DST: variants seen among roughly 807,000 people sequenced by gnomAD.
DST encodes bullous pemphigoid antigen.
Under a neutral mutation model 875.2 loss-of-function variants are expected in DST, and 253 were observed. The ratio of observed to expected loss-of-function variants is 0.29; its 90% CI spans 0.26 to 0.32. The LOEUF (loss-of-function observed/expected upper bound fraction) is 0.32. DST is among the 10% of genes least tolerant of loss of function. The pLI is 1.00. For synonymous variants in DST, 3,124 were observed against 3,197.1 expected (o/e 0.98, Z 0.77); for missense variants, 8,287 against 9,111.6 (o/e 0.91, Z 3.68).
intron 2 of DST, among the ~76,000 whole-genome samples, chr6:56,913,224 T>C (rs1799493435): frequency 6.6e-6 from 1 of 152,232 alleles, no homozygotes; most frequent in Non-Finnish European, 1.5e-5. Flanking sequence ...TTATCAAGCA[T>C]TTCCTATGTG....
rs1468495919 is a variant in DST at position 56,578,900 on chromosome 6, A to C, written c.12941T>G (p.Val4314Gly). 6.2e-7 allele frequency: 1 copy of C among 1,604,956 alleles called. No individual in the cohort carries two copies. The part of the protein sequence containing the change: ...QGQISSQQVA[V>G]EKLKKTAEVL... The stretch of plus-strand genomic sequence containing the variant: ...TTCAGCCGTTTTCTTCAGTTTCTCT[A>C]CAGCAACCTGCTGACTTGATATCTG... Residue 4314 changes from valine to glycine, a missense_variant, in exon 50 of 104, where the codon GTA becomes GGA. Physicochemically the swap from Val to Gly is moderately radical, Grantham distance 109. Around this residue, in one of 10 missense-constraint regions of DST, gnomAD observed 1,513 missense variants for 1,677.8 expected, o/e 0.90. Transcript: ENST00000680361.
At chr6:56,759,693 T>C (rs544092595) in intron 4 of DST, among the ~76,000 whole-genome samples, 59 of 152,290 alleles carry the variant, frequency 3.9e-4, no homozygotes, top group African/African-American at 1.4e-3. Flanking sequence ...CTAAGGGGTT[T>C]CTGAGCTCAG....
chr6:56,789,079 TCA>T, intron 4 of DST, among the ~76,000 whole-genome samples: 1 of 152,338 alleles, frequency 6.6e-6, no homozygotes, highest in East Asian at 1.9e-4. Context: ...GTACAGTGGT[TCA>T]CACCTATAAT....
At chr6:56,517,134 C>A in intron 71 of DST, 64 bp downstream of exon 71, 1 of 1,175,382 alleles carries the variant, frequency 8.5e-7, no homozygotes, top group East Asian at 2.3e-5. Flanking sequence ...TTTTCTAGGA[C>A]TGAAAGCTCA....
intron 3 of DST, among the ~76,000 whole-genome samples, chr6:56,854,204 C>A (rs1007165231): frequency 3.1e-4 from 47 of 152,116 alleles, no homozygotes; most frequent in African/African-American, 1.1e-3. Flanking sequence ...AATCATGTTA[C>A]TATCTTGGGG....
chr6:56,609,260 C>A lies in DST; in HGVS notation c.5368G>T (p.Asp1790Tyr). The A allele has an allele frequency of 6.2e-7, 1 of 1,613,648 alleles. No individual in the cohort carries two copies. The highest frequency in any genetic ancestry group is 1.1e-5 in the South Asian group (1 of 91,042). ...AGCAACCTAATTCCTGTGTCATAGT[C>A]AATGAGGCCTCTTAAAACTGCTTGA... ...VFQAVLRGLI[D>Y]YDTGIRLLET... The change falls in exon 40 of 104, where the codon GAC becomes TAC. Residue 1790 changes from aspartate (D) to tyrosine (Y), a missense_variant. By Grantham distance (160) the Asp-to-Tyr change is radical. Transcript: ENST00000680361.
chr6:56,572,242 G>A lies in DST; in HGVS notation c.13579C>T (p.His4527Tyr). ...TGCAAAACTTCAAGATGTTTCTTGT[G>A]TTCTAAAAATTCAGAAGTTGATTCC... ...MQESTSEFLEHKKHLEVLHSL... is the reference protein window; with the variant it reads ...MQESTSEFLEYKKHLEVLHSL... Residue 4527 changes from histidine (H) to tyrosine (Y), a missense_variant, in exon 53 of 104, where the codon CAC becomes TAC. Physicochemically the swap from His to Tyr is moderately conservative, Grantham distance 83. Coordinates refer to ENST00000680361, the MANE Select transcript of DST (RefSeq NM_001374736.1). The A allele has an allele frequency of 1.9e-6, 3 of 1,566,302 alleles. No individual in the cohort carries two copies. Among genetic ancestry groups the A allele is most frequent in the Non-Finnish European group, 2.6e-6 (3 of 1,155,324 alleles).
chr6:56,854,227 T>A (rs907288161), intron 3 of DST, among the ~76,000 whole-genome samples: 1 of 152,112 alleles, frequency 6.6e-6, no homozygotes, highest in East Asian at 1.9e-4. Flanking sequence ...TAGAAAAGAG[T>A]GCGGAACTAC....
Position 56,536,761 on chromosome 6 carries a change from AG to A in DST, c.16770+17del, listed in dbSNP as rs750364052. 6 of 1,513,516 alleles carry A rather than the reference AG, an allele frequency of 4.0e-6. No individual in the cohort carries two copies. The African/African-American group carries it at 8.4e-5, about 21-fold the overall frequency. 93.8% of individuals were successfully genotyped at this position (1,513,516 alleles called of 1,614,324 possible). Reference sequence around the variant, plus strand: ...ATAATAATCAGCAAAATAGCAATGAAGGGGGTGAGAAAATTACCTTCTTATT... The same window carrying A: ...ATAATAATCAGCAAAATAGCAATGAAGGGGTGAGAAAATTACCTTCTTATT... On this transcript the variant is annotated intron_variant, in intron 62 of 103. Coordinates refer to ENST00000680361, the MANE Select transcript of DST (RefSeq NM_001374736.1).
At chr6:56,897,289 C>G (rs942719925) in intron 3 of DST, among the ~76,000 whole-genome samples, 1 of 134,422 alleles carries the variant, frequency 7.4e-6, no homozygotes, top group Non-Finnish European at 1.5e-5. Flanking sequence ...GCAAAGAATA[C>G]TAAGTGGTTT....
intron 3 of DST, among the ~76,000 whole-genome samples, chr6:56,865,323 CAGAG>C (rs1035308995): frequency 7.0e-6 from 1 of 143,742 alleles, no homozygotes; most frequent in African/African-American, 2.6e-5. Context: ...GTAAGAGAGA[CAGAG>C]AGAGAGAGAG....
At chr6:56,527,982 A>G (rs2096831429) in intron 67 of DST, among the ~76,000 whole-genome samples, 2 of 152,234 alleles carry the variant, frequency 1.3e-5, no homozygotes, top group African/African-American at 2.4e-5. Context: ...GCTATGTGGA[A>G]AGCAGTACTT....
At chr6:56,642,378 C>T in intron 16 of DST, 32 bp downstream of exon 16, 6 of 1,501,942 alleles carry the variant, frequency 4.0e-6, no homozygotes, top group African/African-American at 1.4e-5. Context: ...ACTCCTCTAC[C>T]ACAACCCCAA....
chr6:56,897,836 G>C lies in DST; in HGVS notation c.417+2585C>G, dbSNP rs904159537. Among the ~76,000 whole-genome samples, 54 of 152,054 alleles carry C rather than the reference G, an allele frequency of 3.6e-4. 1 individual carries two copies. Among genetic ancestry groups the C allele is most frequent in the Non-Finnish European group, 1.6e-4 (11 of 68,014 alleles). On this transcript the variant is annotated intron_variant, in intron 3 of 103. Coordinates refer to ENST00000680361, the MANE Select transcript of DST (RefSeq NM_001374736.1). ...AGAGAGCAGTATATTTATTCGCCCT[G>C]CTCCCTCCTGACTCACTAGGTTCTG...
In DST at chr6:56,497,496, G is replaced by C; in HGVS notation, c.20106C>G (p.Phe6702Leu). ...GCTGCAAATCCTCAATTTCGCCATG[G>C]AACCCTTTGGCCTGAAGTAATAGGC... is the stretch of plus-strand genomic sequence containing the variant. The part of the protein sequence containing the change: ...LDGALRQAKG[F>L]HGEIEDLQQW... The change falls in exon 82 of 104, where the codon TTC (phenylalanine) becomes TTG (leucine). Residue 6702 changes from phenylalanine (F) to leucine (L), a missense_variant. Physicochemically the swap from Phe to Leu is conservative, Grantham distance 22. Transcript: ENST00000680361. 6.2e-7 allele frequency: 1 copy of C among 1,612,770 alleles called. No individual in the cohort carries two copies. The highest frequency in any genetic ancestry group is 8.5e-7 in the Non-Finnish European group (1 of 1,179,318).
intron 61 of DST, among the ~76,000 whole-genome samples, chr6:56,550,126 A>C (rs538473423): frequency 6.6e-6 from 1 of 152,326 alleles, no homozygotes; most frequent in African/African-American, 2.4e-5. Context: ...ACACACACAC[A>C]CATACACAGA....
chr6:56,617,109 T>C (rs771869521), intron 36 of DST: 1 of 1,613,072 alleles, frequency 6.2e-7, no homozygotes, highest in Non-Finnish European at 8.5e-7. Flanking sequence ...TCAACAGTCT[T>C]AAGACCGAGT....
chr6:56,727,276 C>T (rs926566378), intron 5 of DST, among the ~76,000 whole-genome samples: 1 of 152,176 alleles, frequency 6.6e-6, no homozygotes, highest in African/African-American at 2.4e-5. Flanking sequence ...ACATATTGAT[C>T]TATGTCTCAT....
chr6:56,606,154 T>A lies in DST; in HGVS notation c.8474A>T (p.Lys2825Met). 6.2e-7 allele frequency: 1 copy of A among 1,608,202 alleles called. No individual in the cohort carries two copies. The highest frequency in any genetic ancestry group is 8.5e-7 in the Non-Finnish European group (1 of 1,176,400). Residue 2825 changes from lysine (K) to methionine (M), a missense_variant, in exon 40 of 104, where the codon AAG (lysine) becomes ATG (methionine). Physicochemically the swap from Lys to Met is moderately conservative, Grantham distance 95. Transcript: ENST00000680361. ...TTCAGCCACATTTTGGCACCTGGGC[T>A]TTCCATTCTCATCTCTTATACCTCC... is the stretch of plus-strand genomic sequence containing the variant. ...EGGGIRDENGKPRCQNVAEDM... is the reference protein window; with the variant it reads ...EGGGIRDENGMPRCQNVAEDM...
Sources: allele counts gnomAD v4.1 joint callset (sites outside exome capture counted in the v4.1 genomes callset), GRCh38; gene constraint gnomAD v4.1.1; regional missense constraint gnomAD v4.1.1; transcripts MANE v1.5; gene names NCBI Gene and HGNC (gene_info 2026-07-23, HGNC 2026-07-21).